The following DGKI variants were observed in gnomAD, a reference collection of about 807,000 sequenced individuals.
DGKI encodes the protein DAG kinase iota.
A neutral mutation model predicts 147.5 loss-of-function variants in DGKI; 55 were observed. The ratio of observed to expected loss-of-function variants is 0.37; its 90% CI spans 0.30 to 0.47. The LOEUF (loss-of-function observed/expected upper bound fraction) is 0.47. Ranked by LOEUF, DGKI falls within the 20% of genes least tolerant of loss-of-function variation. The pLI, the probability that DGKI is intolerant of heterozygous loss-of-function variation, is 1.00. For synonymous variants in DGKI, 469 were observed against 477.1 expected (o/e 0.98, Z 0.22); for missense variants, 1,007 against 1,323.8 (o/e 0.76, Z 3.71).
At chr7:137,722,188 A>G (rs1410848954) in intron 1 of DGKI, 3 of 1,601,378 alleles carry the variant, frequency 1.9e-6, no homozygotes, top group African/African-American at 2.7e-5. Context: ...CAGAAAGGCC[A>G]TGTACAAGAG....
chr7:137,775,411 C>T (rs1796336579), intron 1 of DGKI, among the ~76,000 whole-genome samples: 1 of 152,198 alleles, frequency 6.6e-6, no homozygotes, highest in Non-Finnish European at 1.5e-5. Flanking sequence ...GGTACCTCTG[C>T]CATTCCCCTG....
At chr7:137,542,700 T>C (rs1817742881) in intron 20 of DGKI, among the ~76,000 whole-genome samples, 1 of 152,174 alleles carries the variant, frequency 6.6e-6, no homozygotes, top group African/African-American at 2.4e-5. Context: ...TGAATCTCTA[T>C]ATGTCTTAAA....
chr7:137,529,260 G>T (rs1488144841), intron 20 of DGKI, among the ~76,000 whole-genome samples: 1 of 152,012 alleles, frequency 6.6e-6, no homozygotes, highest in Non-Finnish European at 1.5e-5. Flanking sequence ...TACCCTAAAA[G>T]GCCTGATTCA....
intron 1 of DGKI, among the ~76,000 whole-genome samples, chr7:137,747,963 C>T (rs1454470525): frequency 2.6e-5 from 4 of 152,118 alleles, no homozygotes; most frequent in Non-Finnish European, 2.9e-5. Flanking sequence ...ACACATTTTA[C>T]GACAAGGAAA....
At chr7:137,561,914 T>G (rs1818432257) in intron 19 of DGKI, among the ~76,000 whole-genome samples, 1 of 152,198 alleles carries the variant, frequency 6.6e-6, no homozygotes, top group Non-Finnish European at 1.5e-5. Flanking sequence ...TTCAGAATTC[T>G]ATATCTACAA....
chr7:137,643,474 T>C (rs1341227907), intron 6 of DGKI, among the ~76,000 whole-genome samples: 1 of 152,166 alleles, frequency 6.6e-6, no homozygotes, highest in Non-Finnish European at 1.5e-5. Flanking sequence ...GGGTAATTTA[T>C]TATGTGGCAA....
rs911496506 is a variant in DGKI at position 137,503,599 on chromosome 7, C to G, written c.2249-15910G>C. On this transcript the variant is annotated intron_variant, in intron 21 of 32. Coordinates refer to ENST00000614521, the MANE Select transcript of DGKI (RefSeq NM_001321708.2). Reference sequence around the variant, plus strand: ...TCAATTTGGTAGTTTTGCTATAGTACATATTCTCATACCATTCATTTTAAT... The same window carrying G: ...TCAATTTGGTAGTTTTGCTATAGTAGATATTCTCATACCATTCATTTTAAT... 4.6e-5 allele frequency among the ~76,000 whole-genome samples: 7 copies of G among 152,134 alleles called. No homozygotes were observed. The East Asian group carries it at 1.3e-3, about 29-fold the overall frequency.
intron 5 of DGKI, among the ~76,000 whole-genome samples, 195 bp from the exon 6 acceptor site, chr7:137,645,732 G>T (rs974411977): frequency 1.3e-5 from 2 of 152,180 alleles, no homozygotes; most frequent in Admixed American, 1.3e-4. Context: ...GCACTTGATT[G>T]AGTATGTTTT....
intron 10 of DGKI, among the ~76,000 whole-genome samples, 196 bp from the exon 11 acceptor site, chr7:137,600,101 T>A (rs892535874): frequency 3.3e-5 from 5 of 152,086 alleles, no homozygotes; most frequent in Non-Finnish European, 7.3e-5. Context: ...CTAGGCAACA[T>A]GACAAAATCC....
chr7:137,659,950 T>C (rs1257399489), intron 3 of DGKI, among the ~76,000 whole-genome samples: 1 of 152,166 alleles, frequency 6.6e-6, no homozygotes, highest in African/African-American at 2.4e-5. Flanking sequence ...AAGCATTCAG[T>C]AGGTTACCTC....
At chr7:137,505,929 T>C (rs763481911) in intron 21 of DGKI, among the ~76,000 whole-genome samples, 8 of 151,108 alleles carry the variant, frequency 5.3e-5, no homozygotes, top group Non-Finnish European at 1.2e-4. Flanking sequence ...CCTAATAGAA[T>C]GGCTAAAATT....
At chr7:137,664,750 T>C (rs969164203) in intron 3 of DGKI, among the ~76,000 whole-genome samples, 5 of 152,110 alleles carry the variant, frequency 3.3e-5, no homozygotes, top group African/African-American at 1.2e-4. Context: ...CCTGAAAAAT[T>C]GTTTTGATCT....
At chr7:137,822,460 G>A (rs1296949782) in intron 1 of DGKI, among the ~76,000 whole-genome samples, 3 of 152,008 alleles carry the variant, frequency 2.0e-5, no homozygotes, top group Non-Finnish European at 4.4e-5. Context: ...GATAGATGTA[G>A]AACTCTTAAG....
intron 1 of DGKI, among the ~76,000 whole-genome samples, chr7:137,753,637 T>C (rs1795584663): frequency 6.6e-6 from 1 of 152,164 alleles, no homozygotes; most frequent in Admixed American, 6.5e-5. Flanking sequence ...GTTTAATTAA[T>C]TTGCTTTCCA....
At chr7:137,497,517 A>G (rs1585172141) in intron 21 of DGKI, among the ~76,000 whole-genome samples, 1 of 152,162 alleles carries the variant, frequency 6.6e-6, no homozygotes, top group African/African-American at 2.4e-5. Context: ...ACTAGTCACA[A>G]TAGCAAAGAC....
intron 20 of DGKI, chr7:137,545,876 G>A (rs1365713976): frequency 1.4e-6 from 1 of 698,620 alleles, no homozygotes; most frequent in African/African-American, 1.7e-5. Flanking sequence ...AGAAAATGTA[G>A]AAACAGAATG....
intron 10 of DGKI, among the ~76,000 whole-genome samples, chr7:137,608,525 C>T (rs2128992576): frequency 6.6e-6 from 1 of 152,278 alleles, no homozygotes; most frequent in East Asian, 1.9e-4. Flanking sequence ...TAGGGATTAT[C>T]ATGGCTCATG....
intron 28 of DGKI, among the ~76,000 whole-genome samples, chr7:137,415,443 A>T (rs2128903145): frequency 6.6e-6 from 1 of 152,342 alleles, no homozygotes; most frequent in East Asian, 1.9e-4. Flanking sequence ...TAGATCAGGG[A>T]CTTGAACATC....
chr7:137,766,469 G>T (rs1796016476), intron 1 of DGKI, among the ~76,000 whole-genome samples: 1 of 152,200 alleles, frequency 6.6e-6, no homozygotes, highest in African/African-American at 2.4e-5. Flanking sequence ...GAATTGACAA[G>T]TTATTACTAA....
Sources: gnomAD v4.1 joint callset for allele counts (sites outside exome capture counted in the v4.1 genomes callset) on GRCh38, gnomAD v4.1.1 for gene constraint, MANE v1.5 for transcripts, NCBI Gene and HGNC (gene_info 2026-07-23, HGNC 2026-07-21) for gene names.